The following DCX variants were observed in gnomAD, a reference collection of about 807,000 sequenced individuals.
DCX encodes neuronal migration protein doublecortin.
DCX carries 4 observed loss-of-function variants against 20.9 expected under a neutral mutation model. The ratio of observed to expected loss-of-function variants is 0.19; its 90% CI spans 0.09 to 0.44. The LOEUF is 0.44. Among genes scored for constraint, DCX ranks in the 20% least tolerant of loss-of-function variants. The pLI is 0.99. For synonymous variants in DCX, 103 were observed against 111.4 expected (o/e 0.92, Z 0.47); for missense variants, 133 against 296.9 (o/e 0.45, Z 4.06).
At chrX:111,396,844 C>A (rs914946928) in intron 3 of DCX, among the ~76,000 whole-genome samples, 1 of 111,268 alleles carries the variant, frequency 9.0e-6, no homozygotes, top group Non-Finnish European at 1.9e-5. Context: ...GTAGCCAGAG[C>A]CCTACCAACT....
At chrX:111,306,985 G>A (rs927702788) in intron 6 of DCX, among the ~76,000 whole-genome samples, 5 of 110,759 alleles carry the variant, frequency 4.5e-5, no homozygotes, top group African/African-American at 1.6e-4. Context: ...TTAGTGGTTG[G>A]TTGCCAGGGG....
At chrX:111,376,767 C>G (rs1925567925) in intron 3 of DCX, among the ~76,000 whole-genome samples, 1 of 111,642 alleles carries the variant, frequency 9.0e-6, no homozygotes. Flanking sequence ...GAGGAGGGAG[C>G]ATGCTTTGAA....
intron 3 of DCX, among the ~76,000 whole-genome samples, chrX:111,391,490 C>T (rs1362814687): frequency 9.0e-6 from 1 of 111,492 alleles, no homozygotes; most frequent in Non-Finnish European, 1.9e-5. Context: ...ATTGCCTTTG[C>T]CTTCCTTTCA....
At chrX:111,391,359 A>G (rs1926938853) in intron 3 of DCX, among the ~76,000 whole-genome samples, 1 of 111,397 alleles carries the variant, frequency 9.0e-6, no homozygotes, top group African/African-American at 3.3e-5. Flanking sequence ...AAGCCTGTGG[A>G]ACTGTGAGTC....
At chrX:111,411,341 C>T (rs1928701234) in intron 1 of DCX, among the ~76,000 whole-genome samples, 1 of 105,584 alleles carries the variant, frequency 9.5e-6, no homozygotes, top group East Asian at 3.1e-4. Context: ...GAACAGCATA[C>T]GGGACCTTTA....
chrX:111,324,558 AC>A (rs2095095046), intron 5 of DCX, among the ~76,000 whole-genome samples: 1 of 111,857 alleles, frequency 8.9e-6, no homozygotes, highest in South Asian at 3.8e-4. Context: ...AGGTCACTAA[AC>A]TTTTGTATGC....
chrX:111,308,917 T>G (rs1211660655), intron 6 of DCX, among the ~76,000 whole-genome samples: 5 of 109,804 alleles, frequency 4.6e-5, no homozygotes, highest in African/African-American at 1.7e-4. Context: ...AAGGGGATCC[T>G]TAATAAATTT....
At chrX:111,324,248 G>A (rs954319052) in intron 5 of DCX, among the ~76,000 whole-genome samples, 6 of 110,997 alleles carry the variant, frequency 5.4e-5, no homozygotes, top group Non-Finnish European at 9.5e-5. Flanking sequence ...CTTTGTTCAT[G>A]CTTCCCTGAC....
intron 2 of DCX, among the ~76,000 whole-genome samples, chrX:111,409,517 C>G (rs765204088): frequency 5.4e-5 from 6 of 111,914 alleles, no homozygotes; most frequent in African/African-American, 1.9e-4. Context: ...TTTTTAGAAG[C>G]AACAGCTGAG....
intron 4 of DCX, among the ~76,000 whole-genome samples, chrX:111,331,893 T>C (rs779335206): frequency 5.3e-5 from 6 of 112,526 alleles, no homozygotes; most frequent in Non-Finnish European, 9.4e-5. Context: ...AACAAGAAAT[T>C]AGTAAAACAA....
At chrX:111,315,333 C>T (rs1260386479) in intron 5 of DCX, among the ~76,000 whole-genome samples, 3 of 59,559 alleles carry the variant, frequency 5.0e-5, no homozygotes, top group Non-Finnish European at 8.9e-5. Flanking sequence ...AAGAAATGCT[C>T]ATCATCACTG....
At chrX:111,378,456 C>G (rs1315326038) in intron 3 of DCX, among the ~76,000 whole-genome samples, 1 of 111,767 alleles carries the variant, frequency 8.9e-6, no homozygotes, top group Non-Finnish European at 1.9e-5. Flanking sequence ...CTGATATGAA[C>G]AACACACTGC....
At chrX:111,388,165 T>C (rs1342555479) in intron 3 of DCX, among the ~76,000 whole-genome samples, 1 of 111,855 alleles carries the variant, frequency 8.9e-6, no homozygotes, top group African/African-American at 3.2e-5. Flanking sequence ...CCTAACCTCT[T>C]ACAACTTTGG....
At chrX:111,328,836 C>T (rs2095105781) in intron 5 of DCX, among the ~76,000 whole-genome samples, 1 of 111,034 alleles carries the variant, frequency 9.0e-6, no homozygotes, top group South Asian at 3.9e-4. Context: ...CAGATGACTG[C>T]AGCCCCTACT....
intron 6 of DCX, among the ~76,000 whole-genome samples, chrX:111,309,677 A>C (rs1167299944): frequency 9.0e-6 from 1 of 111,526 alleles, no homozygotes. Flanking sequence ...GACAAGCCCA[A>C]ATTGAAAGGC....
chrX:111,296,264 T>C lies in DCX; in HGVS notation c.*5423A>G, dbSNP rs1449149500. The C allele has an allele frequency of 8.9e-6, 1 of 111,899 alleles. No individual in the cohort carries two copies. The highest frequency in any genetic ancestry group is 1.9e-5 in the Non-Finnish European group (1 of 53,249). The allele number at this position is 111,899 out of a possible 1,213,427, so 9.2% of individuals were successfully genotyped here. A position where few individuals can be genotyped will look rare whatever the true frequency, so the allele number is the denominator to read the frequency against. On this transcript the variant is annotated 3_prime_UTR_variant, in exon 7 of 7. Transcript: ENST00000636035. ...TGAGAAACGCTAATGCCTTCAAGTC[T>C]TTGCCTTACTTACAAGGTGACTTCT...
intron 3 of DCX, among the ~76,000 whole-genome samples, chrX:111,335,259 A>G (rs1257191344): frequency 8.9e-6 from 1 of 112,032 alleles, no homozygotes; most frequent in Non-Finnish European, 1.9e-5. Context: ...CTGTATTTTC[A>G]TGAGGACTCA....
In DCX at chrX:111,296,918, T is replaced by C. The variant is rs1378830696; in HGVS notation, c.*4769A>G. ...GGTGTATAAAGACCATACTAGACTT[T>C]TGGAGACAAAAACAATTTCTGGGGA... On this transcript the variant is annotated 3_prime_UTR_variant, in exon 7 of 7. Transcript: ENST00000636035. 9.0e-6 allele frequency: 1 copy of C among 111,392 alleles called. No homozygotes were observed. The highest frequency in any genetic ancestry group is 3.3e-5 in the African/African-American group (1 of 30,569). 9.2% of individuals were successfully genotyped at this position (111,392 alleles called of 1,213,427 possible).
In DCX at chrX:111,299,477, A is replaced by G. The variant is rs2095028856; in HGVS notation, c.*2210T>C. ...TTACCAGCCTCCACTTCCTCAACTT[A>G]AAATAAAGGTGATGGACTAAATGAG... On this transcript the variant is annotated 3_prime_UTR_variant, in exon 7 of 7. Transcript: ENST00000636035. 9.0e-6 allele frequency: 1 copy of G among 111,290 alleles called. No homozygotes were observed. Among genetic ancestry groups the G allele is most frequent in the South Asian group, 3.8e-4 (1 of 2,602 alleles). 9.2% of individuals were successfully genotyped at this position (111,290 alleles called of 1,213,427 possible).
Sources: allele counts gnomAD v4.1 joint callset (sites outside exome capture counted in the v4.1 genomes callset), GRCh38; gene constraint gnomAD v4.1.1; transcripts MANE v1.5; gene names NCBI Gene and HGNC (gene_info 2026-07-23, HGNC 2026-07-21).